The following SMURF2 variants were observed in gnomAD, a reference collection of about 807,000 sequenced individuals.
SMURF2 encodes the protein SMAD specific E3 ubiquitin protein ligase 2.
In SMURF2, 48 loss-of-function variants were observed where a neutral mutation model predicts 109.6. That is an observed-to-expected ratio of 0.44 (90% CI 0.35 to 0.56). SMURF2 has a LOEUF of 0.56. SMURF2 is among the 20% of genes least tolerant of loss of function. The probability of loss-of-function intolerance (pLI) is 0.01; values close to 1 mark genes in which losing one functional copy is unlikely to be tolerated. For synonymous variants in SMURF2, 288 were observed against 317.1 expected (o/e 0.91, Z 0.97); for missense variants, 575 against 909.0 (o/e 0.63, Z 4.72).
At position 64,571,787 on chromosome 17, in the gene SMURF2, C is replaced by G. The variant is rs200302304; in HGVS notation, c.1016+11G>C. On this transcript the variant is annotated intron_variant, in intron 10 of 18. Transcript: ENST00000262435. ...ACTCCCATTTTAACATGTATTGTTTCAAAAACTTACTTTAAAACTAAATGC... is the reference window on the plus strand; with the variant it reads ...ACTCCCATTTTAACATGTATTGTTTGAAAAACTTACTTTAAAACTAAATGC... The G allele has an allele frequency of 5.7e-5, 91 of 1,600,746 alleles. 1 individual carries two copies. Among genetic ancestry groups the G allele is most frequent in the Non-Finnish European group, 7.5e-5 (88 of 1,174,026 alleles).
intron 5 of SMURF2, among the ~76,000 whole-genome samples, chr17:64,590,129 T>C (rs1598284644): frequency 2.7e-5 from 4 of 149,828 alleles, no homozygotes; most frequent in Middle Eastern, 3.4e-3. Flanking sequence ...GACATTCCTA[T>C]TGAATTTTTC....
intron 17 of SMURF2, among the ~76,000 whole-genome samples, chr17:64,546,984 G>A (rs1555683145): frequency 6.6e-6 from 1 of 152,220 alleles, no homozygotes; most frequent in African/African-American, 2.4e-5. Context: ...ATCACCAGCA[G>A]CTTTGAAAAT....
chr17:64,565,408 T>C (rs1969285713), intron 10 of SMURF2, among the ~76,000 whole-genome samples: 1 of 152,174 alleles, frequency 6.6e-6, no homozygotes, highest in African/African-American at 2.4e-5. Flanking sequence ...AAAGGCTTTA[T>C]CAAACAAGCA....
intron 1 of SMURF2, among the ~76,000 whole-genome samples, chr17:64,647,413 G>A (rs1555693059): frequency 6.6e-6 from 1 of 152,144 alleles, no homozygotes; most frequent in Non-Finnish European, 1.5e-5. Flanking sequence ...GGGTACGGTG[G>A]TTCACACCCG....
chr17:64,616,521 G>A (rs1005105250), intron 1 of SMURF2, among the ~76,000 whole-genome samples: 7 of 151,880 alleles, frequency 4.6e-5, no homozygotes, highest in Admixed American at 4.6e-4. Flanking sequence ...GTGGTGGCAG[G>A]TGCCTGTATA....
rs1282815656 is a variant in SMURF2, at chr17:64,641,664, GACC to G, written c.52+20162_52+20164del. ...TGCCATAAACCAGCCCATGTAGACA[GACC>G]ACATGGAGGCTCTGACATGACCTGA... is the stretch of plus-strand genomic sequence containing the variant. On this transcript the variant is annotated intron_variant, in intron 1 of 18. Transcript: ENST00000262435. Among the ~76,000 whole-genome samples, 7 of 152,224 alleles carry G rather than the reference GACC, an allele frequency of 4.6e-5. No individual in the cohort carries two copies. In the South Asian group the frequency reaches 8.3e-4, roughly 18 times the overall value.
At chr17:64,613,150 C>T (rs1423294636) in intron 1 of SMURF2, among the ~76,000 whole-genome samples, 2 of 152,092 alleles carry the variant, frequency 1.3e-5, no homozygotes, top group African/African-American at 2.4e-5. Context: ...CTGCACTGTT[C>T]TTTTTTCTTG....
intron 1 of SMURF2, among the ~76,000 whole-genome samples, chr17:64,618,406 T>C (rs1970154215): frequency 6.6e-6 from 1 of 152,246 alleles, no homozygotes; most frequent in Admixed American, 6.5e-5. Context: ...AGAAACCATC[T>C]GAAAGGATTT....
intron 1 of SMURF2, among the ~76,000 whole-genome samples, chr17:64,641,017 T>C (rs1230365473): frequency 6.6e-6 from 1 of 152,060 alleles, no homozygotes; most frequent in Non-Finnish European, 1.5e-5. Flanking sequence ...ATAATATTTT[T>C]TCAATACAAA....
chr17:64,557,882 G>A (rs372241334), intron 12 of SMURF2, among the ~76,000 whole-genome samples, 160 bp from the exon 13 acceptor site: 22 of 152,064 alleles, frequency 1.4e-4, no homozygotes, highest in African/African-American at 3.9e-4. Flanking sequence ...AAAATCTACC[G>A]TACCCAAATA....
At chr17:64,650,910 TAAAA>T (rs60191277) in intron 1 of SMURF2, among the ~76,000 whole-genome samples, 2 of 143,724 alleles carry the variant, frequency 1.4e-5, no homozygotes, top group South Asian at 4.5e-4. Flanking sequence ...GCACGGTGGT[TAAAA>T]AAAAAAAAAT....
rs1353684331 is a variant in SMURF2 at position 64,593,547 on chromosome 17, G to A, written c.227C>T (p.Thr76Met). The change falls in exon 4 of 19, where the codon ACG becomes ATG. Residue 76 changes from threonine (T) to methionine (M), a missense_variant. Physicochemically the swap from Thr to Met is moderately conservative, Grantham distance 81 (BLOSUM62 -1). Around this residue, in one of 5 missense-constraint regions of SMURF2, gnomAD observed 33 missense variants for 66.0 expected, o/e 0.50. Coordinates refer to ENST00000262435, the MANE Select transcript of SMURF2 (RefSeq NM_022739.4). ...CTTCTTGTGATTCCATACACTGATC[G>A]TAACTGAATCAGACTTTCCAATATA... ...DLYIGKSDSV[T>M]ISVWNHKKIH... 30 of 1,563,926 alleles carry A rather than the reference G, an allele frequency of 1.9e-5. No individual in the cohort carries two copies. Among genetic ancestry groups the A allele is most frequent in the South Asian group, 2.4e-5 (2 of 83,994 alleles).
intron 1 of SMURF2, among the ~76,000 whole-genome samples, chr17:64,634,791 T>C (rs1970393484): frequency 6.6e-6 from 1 of 152,198 alleles, no homozygotes; most frequent in South Asian, 2.1e-4. Context: ...CCTTGAATGA[T>C]TTTTATCTGA....
rs150736646 is a variant in SMURF2, at chr17:64,644,819, G to A, written c.52+17010C>T. ...CAGCTACTTGGGAAGCTGTCTCATG[G>A]TGAAACCCTGTCTCTACTAAAAATA... On this transcript the variant is annotated intron_variant, in intron 1 of 18. Coordinates refer to ENST00000262435, the MANE Select transcript of SMURF2 (RefSeq NM_022739.4). Among the ~76,000 whole-genome samples the A allele has an allele frequency of 1.4e-4, 21 of 151,516 alleles. No homozygotes were observed. In the East Asian group the frequency reaches 3.9e-3, roughly 28 times the overall value.
chr17:64,597,310 G>C (rs1969832087), intron 3 of SMURF2, among the ~76,000 whole-genome samples: 1 of 152,134 alleles, frequency 6.6e-6, no homozygotes, highest in Non-Finnish European at 1.5e-5. Context: ...CTACTGAGGA[G>C]GGTGAGGTGG....
chr17:64,562,156 G>A (rs1555684559), intron 11 of SMURF2, among the ~76,000 whole-genome samples: 2 of 151,244 alleles, frequency 1.3e-5, no homozygotes, highest in African/African-American at 4.9e-5. Flanking sequence ...AGCTGAGCGT[G>A]GTAGCGTGTG....
intron 1 of SMURF2, among the ~76,000 whole-genome samples, chr17:64,627,041 T>C (rs7215528): frequency 0.053 from 8,046 of 151,112 alleles, 366 homozygotes; most frequent in African/African-American, 0.12. Flanking sequence ...AAGCTGATCC[T>C]GCCAAGCCCT....
In SMURF2 at chr17:64,606,602, G is replaced by A. The variant is rs1157249119; in HGVS notation, c.91C>T (p.Arg31Ter). 4 of 1,539,242 alleles carry A rather than the reference G, an allele frequency of 2.6e-6. No homozygotes were observed. The highest frequency in any genetic ancestry group is 3.5e-6 in the Non-Finnish European group (4 of 1,135,828). ...AKNLVKKDFF[R>*]LPDPFAKVVV... ...CAAGATTTAAAGTTAATTTACTTAC[G>A]GAAAAAATCCTTTTTCACCAGGTTT... Residue 31 changes from arginine to a stop codon, truncating the protein, a stop_gained and splice_region_variant, in exon 2 of 19, where the codon CGA (arginine) becomes TGA (stop). Transcript: ENST00000262435. LOFTEE classifies it high-confidence loss of function.
chr17:64,649,958 T>TC (rs1164921446), intron 1 of SMURF2, among the ~76,000 whole-genome samples: 6 of 152,204 alleles, frequency 3.9e-5, no homozygotes, highest in Middle Eastern at 3.4e-3. Context: ...GCCTTTTTTT[T>TC]CTTGCCTAGC....
Sources: gnomAD v4.1 joint callset for allele counts (sites outside exome capture counted in the v4.1 genomes callset) on GRCh38, gnomAD v4.1.1 for gene constraint, gnomAD v4.1.1 regional missense constraint, MANE v1.5 for transcripts, NCBI Gene and HGNC (gene_info 2026-07-23, HGNC 2026-07-21) for gene names.